ATM: variants seen among roughly 807,000 people sequenced by gnomAD.
The protein encoded by ATM is serine-protein kinase ATM.
ATM carries 308 observed loss-of-function variants against 387.0 expected under a neutral mutation model. That is an observed-to-expected ratio of 0.80 (90% CI 0.73 to 0.87). The LOEUF (loss-of-function observed/expected upper bound fraction) is 0.87, where lower values mean the gene tolerates loss of function less well. Ranked by LOEUF, ATM falls within the 40% of genes least tolerant of loss-of-function variation. The pLI, the probability that ATM is intolerant of heterozygous loss-of-function variation, is 0.00. For synonymous variants in ATM, 1,156 were observed against 1,187.3 expected (o/e 0.97, Z 0.54); for missense variants, 3,312 against 3,560.9 (o/e 0.93, Z 1.78).
Position 108,325,403 on chromosome 11 carries a change from T to C in ATM, c.6666T>C (p.Pro2222=), listed in dbSNP as rs1591128954. ...ACAGTGATTTTAGTTTTCAGGAGCC[T>C]ATCATGGCTCTACGCACAGTCATTT... is the stretch of plus-strand genomic sequence containing the variant. The part of the protein sequence containing the change: ...LKDSDFSFQE[P]IMALRTVILE... The change falls in exon 46 of 63, where the codon CCT becomes CCC. Residue 2222 remains proline, a synonymous_variant. Coordinates refer to ENST00000675843, the MANE Select transcript of ATM (RefSeq NM_000051.4). 3 of 1,613,850 alleles carry C rather than the reference T, an allele frequency of 1.9e-6. No individual in the cohort carries two copies. The highest frequency in any genetic ancestry group is 2.5e-6 in the Non-Finnish European group (3 of 1,179,852).
intron 42 of ATM, 42 bp from the exon 43 acceptor site, chr11:108,317,331 T>C (rs765924415): frequency 9.4e-6 from 15 of 1,591,718 alleles, no homozygotes; most frequent in African/African-American, 8.1e-5. Flanking sequence ...TCTGTTGATA[T>C]CTTTGATTAC....
intron 1 of ATM, chr11:108,226,382 G>A (rs2134984192): frequency 6.6e-6 from 1 of 152,100 alleles, no homozygotes; most frequent in East Asian, 1.9e-4. Flanking sequence ...ACATTTTTTT[G>A]AAGGACATCA....
rs876660568 is a variant in ATM at position 108,284,324 on chromosome 11, C to A, written c.3844C>A (p.Leu1282Ile). The A allele has an allele frequency of 8.7e-6, 14 of 1,613,966 alleles. No individual in the cohort carries two copies. Among genetic ancestry groups the A allele is most frequent in the Non-Finnish European group, 1.2e-5 (14 of 1,179,928 alleles). The part of the protein sequence containing the change: ...ANQIQEDWKS[L>I]LTDCFPKILV... ...TCAGATTCAAGAGGACTGGAAAAGT[C>A]TTCTAACAGACTGCTTTCCAAAGAT... Residue 1282 changes from leucine to isoleucine, a missense_variant, in exon 26 of 63, where the codon CTT becomes ATT. By Grantham distance (5) the Leu-to-Ile change is conservative. Coordinates refer to ENST00000675843, the MANE Select transcript of ATM (RefSeq NM_000051.4).
chr11:108,267,433 A>T (rs2135511907), intron 17 of ATM, 91 bp downstream of exon 17: 1 of 1,213,140 alleles, frequency 8.2e-7, no homozygotes, highest in Non-Finnish European at 1.2e-6. Flanking sequence ...TTTTGTGCTT[A>T]TTTCATTTTC....
chr11:108,353,157 T>A (rs971436970), intron 59 of ATM, among the ~76,000 whole-genome samples: 1 of 145,276 alleles, frequency 6.9e-6, no homozygotes, highest in African/African-American at 2.7e-5. Flanking sequence ...TGTCATTAAT[T>A]TTTTTTTTTT....
chr11:108,308,440 T>C, intron 38 of ATM: 1 of 202,752 alleles, frequency 4.9e-6, no homozygotes, highest in Non-Finnish European at 1.0e-5. Flanking sequence ...TCTGTGGCAA[T>C]ACTGTGCTGT....
intron 1 of ATM, chr11:108,223,789 C>T (rs1350763268): frequency 2.0e-5 from 3 of 152,176 alleles, no homozygotes; most frequent in African/African-American, 7.2e-5. Flanking sequence ...CAGCCTGAGA[C>T]TATCAATTCA....
chr11:108,271,172 G>A (rs1341006932), intron 19 of ATM, 26 bp downstream of exon 19: 19 of 1,612,410 alleles, frequency 1.2e-5, no homozygotes, highest in Admixed American at 1.2e-4. Context: ...CTTATGTTAT[G>A]TTCACTTTAA....
intron 18 of ATM, among the ~76,000 whole-genome samples, chr11:108,268,989 T>G (rs542640858): frequency 6.6e-6 from 1 of 152,326 alleles, no homozygotes; most frequent in African/African-American, 2.4e-5. Flanking sequence ...TTCAAAATGA[T>G]AGTGAAGTTA....
intron 13 of ATM, among the ~76,000 whole-genome samples, chr11:108,255,578 A>C (rs2080424479): frequency 6.6e-6 from 1 of 151,946 alleles, no homozygotes; most frequent in Admixed American, 6.6e-5. Context: ...GGTGCCTGCC[A>C]TCACGCCCTG....
At chr11:108,354,241 A>G (rs1456443999) in intron 60 of ATM, among the ~76,000 whole-genome samples, 1 of 152,194 alleles carries the variant, frequency 6.6e-6, no homozygotes, top group Admixed American at 6.5e-5. Context: ...ACCTAAGCCC[A>G]TGTAACATAC....
chr11:108,308,828 G>A, intron 38 of ATM: 1 of 563,056 alleles, frequency 1.8e-6, no homozygotes, highest in African/African-American at 1.9e-5. Context: ...GCTTTTCAGT[G>A]TCTTTGCTTC....
chr11:108,318,078 A>G lies in ATM; in HGVS notation c.6347+557A>G, dbSNP rs188914701. Among the ~76,000 whole-genome samples the G allele has an allele frequency of 5.3e-5, 8 of 152,196 alleles. No homozygotes were observed. In the East Asian group the frequency reaches 1.2e-3, roughly 22 times the overall value. On this transcript the variant is annotated intron_variant, in intron 43 of 62. Coordinates refer to ENST00000675843, the MANE Select transcript of ATM (RefSeq NM_000051.4). ...ATATTTTCTTTTATTAAAAAATAAT[A>G]CGGCCAGGCACGGTGGCTCATGCCT...
At chr11:108,363,283 T>C (rs903545213) in intron 61 of ATM, among the ~76,000 whole-genome samples, 2 of 152,200 alleles carry the variant, frequency 1.3e-5, no homozygotes, top group Admixed American at 6.5e-5. Context: ...ATTTCTGAAC[T>C]GATCTCCCCG....
At chr11:108,272,980 G>C in intron 22 of ATM, 128 bp downstream of exon 22, 4 of 1,159,616 alleles carry the variant, frequency 3.4e-6, no homozygotes, top group Non-Finnish European at 5.1e-6. Context: ...CGGTGTGCCT[G>C]GCATTTATGT....
At chr11:108,318,902 G>A (rs940843713) in intron 43 of ATM, among the ~76,000 whole-genome samples, 2 of 151,934 alleles carry the variant, frequency 1.3e-5, no homozygotes, top group Admixed American at 6.6e-5. Flanking sequence ...TTGGCCGAGC[G>A]CGGTGGCTCA....
chr11:108,294,257 C>A (rs2082997668), intron 31 of ATM, among the ~76,000 whole-genome samples: 1 of 152,094 alleles, frequency 6.6e-6, no homozygotes, highest in Non-Finnish European at 1.5e-5. Context: ...TAGGTATATT[C>A]TTCCATACAT....
At chr11:108,350,765 G>A (rs2089097430) in intron 59 of ATM, among the ~76,000 whole-genome samples, 1 of 152,156 alleles carries the variant, frequency 6.6e-6, no homozygotes, top group Admixed American at 6.6e-5. Flanking sequence ...AGAGTGGTCT[G>A]GAAGATGCAA....
At chr11:108,358,022 A>C (rs2090234899) in intron 61 of ATM, among the ~76,000 whole-genome samples, 1 of 144,748 alleles carries the variant, frequency 6.9e-6, no homozygotes, top group Non-Finnish European at 1.5e-5. Context: ...ATTCAAACCA[A>C]AGGCAAATAA....
Sources: gnomAD v4.1 joint callset for allele counts (sites outside exome capture counted in the v4.1 genomes callset) on GRCh38, gnomAD v4.1.1 for gene constraint, MANE v1.5 for transcripts, NCBI Gene and HGNC (gene_info 2026-07-23, HGNC 2026-07-21) for gene names.